Variants in UNC5D observed in about 807,000 individuals in gnomAD.
The protein encoded by UNC5D is netrin receptor UNC5D.
UNC5D carries 39 observed loss-of-function variants against 105.4 expected under a neutral mutation model. The ratio of observed to expected loss-of-function variants is 0.37; its 90% CI spans 0.29 to 0.48. UNC5D has a LOEUF of 0.48. Ranked by LOEUF, UNC5D falls within the 20% of genes least tolerant of loss-of-function variation. UNC5D has a pLI of 0.98. For missense variants in UNC5D, 991 were observed against 1,202.4 expected (o/e 0.82, Z 2.60); for synonymous variants, 452 against 450.4 (o/e 1.00, Z -0.04).
At chr8:35,638,961 T>C (rs1172153846) in intron 4 of UNC5D, among the ~76,000 whole-genome samples, 1 of 152,230 alleles carries the variant, frequency 6.6e-6, no homozygotes, top group Non-Finnish European at 1.5e-5. Flanking sequence ...ATTGGTTCAT[T>C]TCATTTTTCT....
chr8:35,293,464 C>T (rs1439764602), intron 1 of UNC5D, among the ~76,000 whole-genome samples: 1 of 152,116 alleles, frequency 6.6e-6, no homozygotes, highest in Non-Finnish European at 1.5e-5. Context: ...TTATGTCTTC[C>T]TCATCATCTG....
chr8:35,365,454 A>G (rs1296648834), intron 1 of UNC5D, among the ~76,000 whole-genome samples: 1 of 151,996 alleles, frequency 6.6e-6, no homozygotes, highest in African/African-American at 2.4e-5. Context: ...CCAATGCATG[A>G]AGAACAGTTT....
chr8:35,613,054 A>T (rs1305343636), intron 4 of UNC5D, among the ~76,000 whole-genome samples: 1 of 151,976 alleles, frequency 6.6e-6, no homozygotes, highest in Admixed American at 6.6e-5. Flanking sequence ...AAGAACCAGC[A>T]CCTCACCCAC....
chr8:35,723,244 C>A (rs1439430669), intron 9 of UNC5D, among the ~76,000 whole-genome samples: 1 of 152,086 alleles, frequency 6.6e-6, no homozygotes, highest in Admixed American at 6.6e-5. Flanking sequence ...AGACAGGCTT[C>A]CGAAGTGGAA....
intron 11 of UNC5D, among the ~76,000 whole-genome samples, chr8:35,748,322 T>C (rs1011707159): frequency 1.3e-5 from 2 of 152,188 alleles, no homozygotes; most frequent in African/African-American, 4.8e-5. Flanking sequence ...AAACCTAGAT[T>C]TGAAATCTAG....
chr8:35,326,722 C>T (rs1250792898), intron 1 of UNC5D, among the ~76,000 whole-genome samples: 1 of 151,702 alleles, frequency 6.6e-6, no homozygotes, highest in African/African-American at 2.4e-5. Context: ...GTGCCATGCA[C>T]TCCAACCTGG....
chr8:35,580,965 C>G (rs886394769), intron 3 of UNC5D, among the ~76,000 whole-genome samples: 6 of 152,116 alleles, frequency 3.9e-5, no homozygotes, highest in Non-Finnish European at 8.8e-5. Flanking sequence ...GTCAGAAGAG[C>G]TGGGTTCAAG....
intron 1 of UNC5D, among the ~76,000 whole-genome samples, chr8:35,542,970 C>CT (rs1815380155): frequency 6.6e-6 from 1 of 152,120 alleles, no homozygotes; most frequent in East Asian, 1.9e-4. Context: ...ACCATTTACT[C>CT]TATTTTTACA....
chr8:35,288,527 A>T (rs147846848), intron 1 of UNC5D, among the ~76,000 whole-genome samples: 1 of 152,038 alleles, frequency 6.6e-6, no homozygotes, highest in Non-Finnish European at 1.5e-5. Context: ...AATGTAAAAA[A>T]CTCTTTGGTA....
At chr8:35,409,438 CCTT>C (rs1425809410) in intron 1 of UNC5D, among the ~76,000 whole-genome samples, 1 of 149,118 alleles carries the variant, frequency 6.7e-6, no homozygotes, top group Non-Finnish European at 1.5e-5. Context: ...TTCATTTTAT[CCTT>C]CTAATAGGTG....
chr8:35,440,660 G>T (rs752942196), intron 1 of UNC5D, among the ~76,000 whole-genome samples: 32 of 151,868 alleles, frequency 2.1e-4, no homozygotes, highest in Non-Finnish European at 4.4e-4. Context: ...AAGCCTTCCT[G>T]GGCTACCCTT....
chr8:35,252,516 T>A (rs994451762), intron 1 of UNC5D, among the ~76,000 whole-genome samples: 2 of 152,184 alleles, frequency 1.3e-5, no homozygotes. Flanking sequence ...TTTATTGTGG[T>A]CTACATATTC....
intron 1 of UNC5D, among the ~76,000 whole-genome samples, chr8:35,236,687 T>C (rs1764266032): frequency 6.6e-6 from 1 of 152,204 alleles, no homozygotes; most frequent in African/African-American, 2.4e-5. Context: ...GCAACTGGTT[T>C]CAGCTCCACC....
intron 3 of UNC5D, among the ~76,000 whole-genome samples, chr8:35,585,658 G>T (rs914010909): frequency 6.6e-6 from 1 of 151,678 alleles, no homozygotes; most frequent in Admixed American, 6.6e-5. Context: ...AATTAAAAAA[G>T]AACATTTTAG....
chr8:35,483,677 T>C (rs1177204985), intron 1 of UNC5D, among the ~76,000 whole-genome samples: 1 of 152,192 alleles, frequency 6.6e-6, no homozygotes, highest in Non-Finnish European at 1.5e-5. Context: ...TATCTCTCAA[T>C]TTATTATAAC....
chr8:35,618,491 T>G (rs1821164852), intron 4 of UNC5D, among the ~76,000 whole-genome samples: 1 of 152,138 alleles, frequency 6.6e-6, no homozygotes, highest in Non-Finnish European at 1.5e-5. Context: ...AAAGTAGAGA[T>G]GGGAGCTGAC....
intron 1 of UNC5D, among the ~76,000 whole-genome samples, chr8:35,418,185 C>T (rs1365455331): frequency 6.6e-6 from 1 of 151,862 alleles, no homozygotes; most frequent in Non-Finnish European, 1.5e-5. Flanking sequence ...CTCTTACTGC[C>T]CAGGGCTAAG....
chr8:35,541,608 G>T (rs578010601), intron 1 of UNC5D, among the ~76,000 whole-genome samples: 8 of 152,248 alleles, frequency 5.3e-5, no homozygotes, highest in Non-Finnish European at 1.2e-4. Flanking sequence ...CTGTGATGAG[G>T]GGTAATCTTC....
intron 11 of UNC5D, among the ~76,000 whole-genome samples, chr8:35,743,212 A>G (rs184095177): frequency 6.1e-4 from 93 of 152,272 alleles, no homozygotes; most frequent in African/African-American, 2.1e-3. Context: ...ATTTCTTTGT[A>G]AGAATTCTGG....
Sources: gnomAD v4.1 joint callset for allele counts (sites outside exome capture counted in the v4.1 genomes callset) on GRCh38, gnomAD v4.1.1 for gene constraint, MANE v1.5 for transcripts, NCBI Gene and HGNC (gene_info 2026-07-23, HGNC 2026-07-21) for gene names.